Variants in FANK1 observed in about 807,000 individuals in gnomAD.
FANK1 encodes the protein fibronectin type 3 and ankyrin repeat domains protein 1.
A neutral mutation model predicts 45.3 loss-of-function variants in FANK1; 44 were observed. The observed-to-expected ratio is 0.97, with a 90% CI of 0.76 to 1.25. FANK1 has a LOEUF of 1.25. FANK1 is among the 50% of genes most tolerant of loss of function. The probability of loss-of-function intolerance (pLI) is 0.00; values close to 1 mark genes in which losing one functional copy is unlikely to be tolerated. For synonymous variants in FANK1, 149 were observed against 152.5 expected (o/e 0.98, Z 0.17); for missense variants, 391 against 424.4 (o/e 0.92, Z 0.69).
Position 125,948,558 on chromosome 10 carries a change from A to AC in FANK1, c.14-31601dup, listed in dbSNP as rs1329131269. On this transcript the variant is annotated intron_variant, in intron 1 of 10. Coordinates refer to ENST00000368693, the MANE Select transcript of FANK1 (RefSeq NM_145235.5). ...AACACATACACTCTCCCAAGACTAA[A>AC]CCAGGAAGAAGTTGAATCTCTGAAT... 5.3e-5 allele frequency among the ~76,000 whole-genome samples: 8 copies of AC among 152,324 alleles called. No homozygotes were observed. The South Asian group carries it at 1.7e-3, about 32-fold the overall frequency.
chr10:125,969,258 A>G (rs1950348256), intron 1 of FANK1, among the ~76,000 whole-genome samples: 1 of 152,074 alleles, frequency 6.6e-6, no homozygotes, highest in South Asian at 2.1e-4. Context: ...AATTTTTTAG[A>G]AAACAAAATC....
At chr10:125,957,683 C>A (rs748212112) in intron 1 of FANK1, among the ~76,000 whole-genome samples, 1 of 151,998 alleles carries the variant, frequency 6.6e-6, no homozygotes. Context: ...CGGCACCACA[C>A]CCGGCTGATT....
chr10:125,923,565 T>C (rs1221265473), intron 1 of FANK1, among the ~76,000 whole-genome samples: 1 of 152,062 alleles, frequency 6.6e-6, no homozygotes, highest in Non-Finnish European at 1.5e-5. Flanking sequence ...TCTCACTCTG[T>C]TGCCCAGGCT....
intron 1 of FANK1, among the ~76,000 whole-genome samples, chr10:125,947,685 G>A (rs1948909865): frequency 2.0e-5 from 3 of 148,818 alleles, no homozygotes. Context: ...ACACCCCACT[G>A]TCAACATTAG....
chr10:125,960,115 A>G (rs1418882712), intron 1 of FANK1: 1 of 162,084 alleles, frequency 6.2e-6, no homozygotes, highest in East Asian at 1.7e-4. Flanking sequence ...TGACTAGGGA[A>G]AAGCCTTCTC....
chr10:125,935,321 C>A (rs1948026816), intron 1 of FANK1, among the ~76,000 whole-genome samples: 1 of 152,198 alleles, frequency 6.6e-6, no homozygotes, highest in East Asian at 1.9e-4. Flanking sequence ...ACTGTTGTAT[C>A]CTCATAGCTT....
intron 1 of FANK1, among the ~76,000 whole-genome samples, chr10:125,967,479 G>T (rs1950255906): frequency 6.6e-6 from 1 of 152,216 alleles, no homozygotes; most frequent in Admixed American, 6.5e-5. Context: ...GTTTGGGCAG[G>T]GATGTTGGAT....
rs376305027 is a variant in FANK1, at chr10:125,980,255, A to G, written c.108A>G (p.Lys36=). 1 of 1,614,184 alleles carries G rather than the reference A, an allele frequency of 6.2e-7. No homozygotes were observed. Among genetic ancestry groups the G allele is most frequent in the Admixed American group, 1.7e-5 (1 of 60,022 alleles). Residue 36 remains lysine, a synonymous_variant, in exon 2 of 11, where the codon AAA becomes AAG. Transcript: ENST00000368693. The part of the protein sequence containing the change: ...ELYWDLEKKA[K]RQGPQEQWFR... The stretch of plus-strand genomic sequence containing the variant: ...ACTGGGATCTGGAAAAGAAAGCCAA[A>G]CGCCAAGGACCTCAAGAGCAGTGGT...
At chr10:125,902,654 G>C (rs79911490) in intron 1 of FANK1, among the ~76,000 whole-genome samples, 3 of 152,144 alleles carry the variant, frequency 2.0e-5, no homozygotes, top group Non-Finnish European at 4.4e-5. Context: ...TGTTTTAAAC[G>C]AGTCTCATTC....
In FANK1 at chr10:125,919,195, A is replaced by ATTTTTTTTTTTTTTTTT. The variant is rs142716284; in HGVS notation, c.13+22552_13+22568dup. 2.7e-3 allele frequency among the ~76,000 whole-genome samples: 141 copies of ATTTTTTTTTTTTTTTTT among 51,880 alleles called. 21 individuals carry two copies. The highest frequency in any genetic ancestry group is 3.5e-3 in the Non-Finnish European group (105 of 29,814). 34.0% of individuals were successfully genotyped at this position (51,880 alleles called of 152,430 possible). On this transcript the variant is annotated intron_variant, in intron 1 of 10. Coordinates refer to ENST00000368693, the MANE Select transcript of FANK1 (RefSeq NM_145235.5). ...AGTAAAATACTTCCAGGAGGTAAGAATTTTTTTTTTTTTTTTTTTTTTTTT... is the reference window on the plus strand; with the variant it reads ...AGTAAAATACTTCCAGGAGGTAAGAATTTTTTTTTTTTTTTTTTTTTTTTTTTTTTTTTTTTTTTTTT...
At chr10:125,995,067 T>A in intron 3 of FANK1, 1 of 510,236 alleles carries the variant, frequency 2.0e-6, no homozygotes, top group Non-Finnish European at 2.5e-6. Flanking sequence ...CAAATAAAAC[T>A]AGCATATTGT....
chr10:126,002,022 AT>A (rs1166873532), intron 6 of FANK1, among the ~76,000 whole-genome samples: 1 of 152,106 alleles, frequency 6.6e-6, no homozygotes, highest in African/African-American at 2.4e-5. Context: ...TTTAAAAATC[AT>A]GCAGATAGGC....
At chr10:125,914,405 G>A (rs1476363972) in intron 1 of FANK1, among the ~76,000 whole-genome samples, 1 of 152,014 alleles carries the variant, frequency 6.6e-6, no homozygotes, top group African/African-American at 2.4e-5. Flanking sequence ...TCACCAGCAT[G>A]TTTGCAGGGA....
chr10:125,929,267 G>A (rs185293706), intron 1 of FANK1, among the ~76,000 whole-genome samples: 22 of 152,306 alleles, frequency 1.4e-4, no homozygotes, highest in African/African-American at 5.1e-4. Flanking sequence ...AGGCTCTTAT[G>A]CAGAAAAAAG....
intron 1 of FANK1, among the ~76,000 whole-genome samples, chr10:125,912,238 A>G (rs1946073040): frequency 6.6e-6 from 1 of 152,202 alleles, no homozygotes; most frequent in Non-Finnish European, 1.5e-5. Flanking sequence ...TTATTTGCAC[A>G]TGAGATAAAC....
intron 6 of FANK1, among the ~76,000 whole-genome samples, chr10:126,003,411 T>G (rs1356327146): frequency 6.6e-6 from 1 of 152,136 alleles, no homozygotes; most frequent in African/African-American, 2.4e-5. Flanking sequence ...AAAAAAAAAT[T>G]AAAGGCTTAA....
intron 1 of FANK1, among the ~76,000 whole-genome samples, chr10:125,969,034 C>T (rs1321317218): frequency 3.3e-5 from 5 of 152,134 alleles, no homozygotes; most frequent in East Asian, 1.9e-4. Flanking sequence ...TTTTATGGTA[C>T]GTAACACATC....
intron 1 of FANK1, among the ~76,000 whole-genome samples, chr10:125,964,384 G>C (rs915352032): frequency 1.3e-5 from 2 of 151,534 alleles, no homozygotes; most frequent in African/African-American, 4.9e-5. Context: ...GTGCAGATGG[G>C]GTTTCACTAT....
At chr10:125,972,993 G>T (rs1950617943) in intron 1 of FANK1, 1 of 152,488 alleles carries the variant, frequency 6.6e-6, no homozygotes, top group Admixed American at 6.5e-5. Context: ...ATCTGGAGGG[G>T]TGATGGCTAG....
Sources: allele counts gnomAD v4.1 joint callset (sites outside exome capture counted in the v4.1 genomes callset), GRCh38; gene constraint gnomAD v4.1.1; transcripts MANE v1.5; gene names NCBI Gene and HGNC (gene_info 2026-07-23, HGNC 2026-07-21).